ETV5: variants seen among roughly 807,000 people sequenced by gnomAD.
ETV5 encodes ETS variant transcription factor 5, also known as ETS translocation variant 5.
In ETV5, 10 loss-of-function variants were observed where a neutral mutation model predicts 70.0. That is an observed-to-expected ratio of 0.14 (90% confidence interval 0.09 to 0.24). The LOEUF (loss-of-function observed/expected upper bound fraction) is 0.24, where lower values mean the gene tolerates loss of function less well. Among genes scored for constraint, ETV5 ranks in the 10% least tolerant of loss-of-function variants. The probability of loss-of-function intolerance (pLI) is 1.00; values close to 1 mark genes in which losing one functional copy is unlikely to be tolerated. For synonymous variants in ETV5, 216 were observed against 242.2 expected (o/e 0.89, Z 1.01); for missense variants, 453 against 651.2 (o/e 0.70, Z 3.31).
chr3:186,099,470 G>C (rs933154635), intron 5 of ETV5, among the ~76,000 whole-genome samples: 1 of 152,248 alleles, frequency 6.6e-6, no homozygotes, highest in African/African-American at 2.4e-5. Context: ...TGTGTGCCAG[G>C]GCACAGATGG....
intron 9 of ETV5, among the ~76,000 whole-genome samples, chr3:186,061,625 A>T (rs1373340121): frequency 6.6e-6 from 1 of 152,154 alleles, no homozygotes; most frequent in Non-Finnish European, 1.5e-5. Flanking sequence ...TTCTAAAAAA[A>T]CTTCCCTATT....
In ETV5 at chr3:186,105,752, A is replaced by G; in HGVS notation, c.46-40T>C. On this transcript the variant is annotated intron_variant, in intron 2 of 12. Coordinates refer to ENST00000306376, the MANE Select transcript of ETV5 (RefSeq NM_004454.3). This position sits in a 1 kb window ranked among gnomAD's most constrained non-coding sequence, Gnocchi z 4.5. ...CAGAAAGTGAAGGCTCAAGTGTAGTAAAGAGGTCCACAGGGGGAAGACTCA... is the reference window on the plus strand; with the variant it reads ...CAGAAAGTGAAGGCTCAAGTGTAGTGAAGAGGTCCACAGGGGGAAGACTCA... 6.2e-7 allele frequency: 1 copy of G among 1,612,984 alleles called. No individual in the cohort carries two copies. Among genetic ancestry groups the G allele is most frequent in the Non-Finnish European group, 8.5e-7 (1 of 1,178,912 alleles).
chr3:186,100,740 A>T (rs1410500057), intron 5 of ETV5, among the ~76,000 whole-genome samples: 2 of 152,200 alleles, frequency 1.3e-5, no homozygotes, highest in Non-Finnish European at 2.9e-5. Context: ...GGTCATTTGG[A>T]TCTTAAAACA....
rs1243873861 is a variant in ETV5 at position 186,048,450 on chromosome 3, C to T, written c.*189G>A. 3.3e-6 allele frequency: 2 copies of T among 599,332 alleles called. No homozygotes were observed. Among genetic ancestry groups the T allele is most frequent in the African/African-American group, 1.9e-5 (1 of 53,816 alleles). 37.1% of individuals were successfully genotyped at this position (599,332 alleles called of 1,614,324 possible). On this transcript the variant is annotated 3_prime_UTR_variant, in exon 13 of 13. Transcript: ENST00000306376. ...GGCCTTTTGGTGGTTTTCTGCCCCT[C>T]CCTGTTCCCACTCCCCAGCCAATGT...
rs1326251129 is a variant in ETV5 at position 186,064,451 on chromosome 3, G to A, written c.936C>T (p.Tyr312=). Residue 312 remains tyrosine (Y), a synonymous_variant, in exon 9 of 13, where the codon TAC becomes TAT. Transcript: ENST00000306376. ...TGCTGGAGAAATAACCCCCTCTCAT[G>A]TAGGATGACTGGCAGTTAGGCACTT... The part of the protein sequence containing the change: ...DSEVPNCQSS[Y]MRGGYFSSSH... The A allele has an allele frequency of 1.1e-5, 18 of 1,614,066 alleles. No homozygotes were observed. The highest frequency in any genetic ancestry group is 1.5e-5 in the Non-Finnish European group (18 of 1,180,036).
intron 5 of ETV5, among the ~76,000 whole-genome samples, chr3:186,097,176 T>C (rs1714325563): frequency 6.6e-6 from 1 of 152,150 alleles, no homozygotes; most frequent in Non-Finnish European, 1.5e-5. Flanking sequence ...TGGGAGGCAA[T>C]GCATTTGATT....
At position 186,047,557 on chromosome 3, in the gene ETV5, T is replaced by C. The variant is rs936544828; in HGVS notation, c.*1082A>G. On this transcript the variant is annotated 3_prime_UTR_variant, in exon 13 of 13. Coordinates refer to ENST00000306376, the MANE Select transcript of ETV5 (RefSeq NM_004454.3). ...GTTAGTGAACACGGGGAACTATACA[T>C]AGAGAATCTAAGCTTGTGTCCAGGC... is the stretch of plus-strand genomic sequence containing the variant. 1.3e-5 allele frequency: 3 copies of C among 232,128 alleles called. No individual in the cohort carries two copies. The highest frequency in any genetic ancestry group is 6.6e-5 in the African/African-American group (3 of 45,270). 14.4% of individuals were successfully genotyped at this position (232,128 alleles called of 1,614,324 possible). A position where few individuals can be genotyped will look rare whatever the true frequency, so the allele number is the denominator to read the frequency against.
Position 186,057,368 on chromosome 3 carries a change from G to A in ETV5, c.1039+55C>T, listed in dbSNP as rs960041975. 1 of 1,607,088 alleles carries A rather than the reference G, an allele frequency of 6.2e-7. No individual in the cohort carries two copies. Among genetic ancestry groups the A allele is most frequent in the Non-Finnish European group, 8.5e-7 (1 of 1,173,714 alleles). ...TTGGGAAGAGAGTCATGGCTGAGGTGTTCTGACACCTCCAAACCTCTACCT... is the reference window on the plus strand; with the variant it reads ...TTGGGAAGAGAGTCATGGCTGAGGTATTCTGACACCTCCAAACCTCTACCT... On this transcript the variant is annotated intron_variant, in intron 10 of 12. Coordinates refer to ENST00000306376, the MANE Select transcript of ETV5 (RefSeq NM_004454.3). The surrounding 1 kb of genome is among the most constrained non-coding windows in gnomAD (Gnocchi z 4.9).
At chr3:186,108,682 C>T in intron 1 of ETV5, 2 of 1,161,266 alleles carry the variant, frequency 1.7e-6, no homozygotes, top group South Asian at 3.2e-5. Context: ...CTCCGGGGCG[C>T]CTCCCCCACG....
chr3:186,088,023 A>T (rs1006641539), intron 5 of ETV5, among the ~76,000 whole-genome samples: 1 of 152,198 alleles, frequency 6.6e-6, no homozygotes, highest in Non-Finnish European at 1.5e-5. Context: ...AAGAAGGACT[A>T]AGCCCATCCA....
chr3:186,107,091 A>C (rs1319617529), intron 1 of ETV5: 1 of 237,922 alleles, frequency 4.2e-6, no homozygotes, highest in Non-Finnish European at 6.8e-6. Flanking sequence ...ATTTTTCATA[A>C]GTGGGCAGGA....
rs1714419557 is a variant in ETV5 at position 186,100,180 on chromosome 3, G to A, written c.232+5125C>T. Among the ~76,000 whole-genome samples the A allele has an allele frequency of 2.6e-5, 4 of 152,140 alleles. No individual in the cohort carries two copies. The South Asian group carries it at 8.3e-4, about 32-fold the overall frequency. Reference sequence around the variant, plus strand: ...TTTGAAAGTAACACTGTAAAACCTGGAGTCAAAGAATCTCTCCTCCATGTT... The same window carrying A: ...TTTGAAAGTAACACTGTAAAACCTGAAGTCAAAGAATCTCTCCTCCATGTT... On this transcript the variant is annotated intron_variant, in intron 5 of 12. Transcript: ENST00000306376.
chr3:186,087,066 C>T (rs1251849245), intron 5 of ETV5, among the ~76,000 whole-genome samples: 1 of 152,016 alleles, frequency 6.6e-6, no homozygotes, highest in Non-Finnish European at 1.5e-5. Context: ...AGATCATGCT[C>T]GTGGATTGGA....
intron 7 of ETV5, among the ~76,000 whole-genome samples, chr3:186,077,171 A>G (rs531472242): frequency 1.3e-5 from 2 of 152,240 alleles, no homozygotes; most frequent in Admixed American, 6.5e-5. Flanking sequence ...AAAAGTTTCA[A>G]ATGAGACTCT....
chr3:186,081,244 C>T (rs1713928344), intron 5 of ETV5, 69 bp from the exon 6 acceptor site: 2 of 1,476,006 alleles, frequency 1.4e-6, no homozygotes, highest in East Asian at 4.8e-5. Flanking sequence ...CACAATGCTT[C>T]CTTCTGCAAA....
chr3:186,066,586 A>G (rs1389797170), intron 7 of ETV5, among the ~76,000 whole-genome samples: 1 of 152,194 alleles, frequency 6.6e-6, no homozygotes, highest in Non-Finnish European at 1.5e-5. Flanking sequence ...CAGGAAACCT[A>G]TAGGCCATAT....
intron 5 of ETV5, among the ~76,000 whole-genome samples, chr3:186,104,622 A>G (rs1409236806): frequency 1.3e-5 from 2 of 152,182 alleles, no homozygotes; most frequent in Non-Finnish European, 2.9e-5. Flanking sequence ...CAAGGACTTA[A>G]TTTATAAAAC....
rs1219110125 is a variant in ETV5, at chr3:186,054,748, C to G, written c.1209+2327G>C. 1.3e-5 allele frequency among the ~76,000 whole-genome samples: 2 copies of G among 152,146 alleles called. No homozygotes were observed. The highest frequency in any genetic ancestry group is 2.9e-5 in the Non-Finnish European group (2 of 68,032). ...CCATGACGACTTCTTACAGCTTTTT[C>G]CAGAAGCTGGTATCTTCCTGACATT... is the stretch of plus-strand genomic sequence containing the variant. On this transcript the variant is annotated intron_variant, in intron 11 of 12. Transcript: ENST00000306376. This position sits in a 1 kb window ranked among gnomAD's most constrained non-coding sequence, Gnocchi z 4.4.
At position 186,057,594 on chromosome 3, in the gene ETV5, C is replaced by T. The variant is rs1035919879; in HGVS notation, c.971-103G>A. On this transcript the variant is annotated intron_variant, in intron 9 of 12. Transcript: ENST00000306376. This position sits in a 1 kb window ranked among gnomAD's most constrained non-coding sequence, Gnocchi z 4.9. ...GAGTGCAATCCTATCATTTCAGATCCTAAGTCCTACTGCTGTATCTATGGC... is the reference window on the plus strand; with the variant it reads ...GAGTGCAATCCTATCATTTCAGATCTTAAGTCCTACTGCTGTATCTATGGC... The T allele has an allele frequency of 3.1e-6, 3 of 958,506 alleles. No individual in the cohort carries two copies. In the Admixed American group the frequency reaches 5.2e-5, roughly 17 times the overall value. The allele number at this position is 958,506 out of a possible 1,614,324, so 59.4% of individuals were successfully genotyped here. A position where few individuals can be genotyped will look rare whatever the true frequency, so the allele number is the denominator to read the frequency against.
Sources: gnomAD v4.1 joint callset for allele counts (sites outside exome capture counted in the v4.1 genomes callset) on GRCh38, gnomAD v4.1.1 for gene constraint, Gnocchi (gnomAD v3.1) non-coding constraint, MANE v1.5 for transcripts, NCBI Gene and HGNC (gene_info 2026-07-23, HGNC 2026-07-21) for gene names.